Variants in SLC44A1 observed in about 807,000 individuals in gnomAD.
SLC44A1 encodes the protein solute carrier family 44 member 1.
SLC44A1 carries 26 observed loss-of-function variants against 79.3 expected under a neutral mutation model. The observed-to-expected ratio is 0.33, with a 90% CI of 0.24 to 0.46. SLC44A1 has a LOEUF of 0.46. SLC44A1 is among the 20% of genes least tolerant of loss of function. SLC44A1 has a pLI of 1.00. For missense variants in SLC44A1, 688 were observed against 798.1 expected, an observed-to-expected ratio of 0.86 and a Z score of 1.66; for synonymous variants, 263 against 286.2, an observed-to-expected ratio of 0.92 and a Z score of 0.82.
intron 2 of SLC44A1, among the ~76,000 whole-genome samples, chr9:105,305,605 G>A (rs1831006934): frequency 6.6e-6 from 1 of 152,146 alleles, no homozygotes; most frequent in Non-Finnish European, 1.5e-5. Context: ...GAGAAAAAGA[G>A]AGTCAATATA....
chr9:105,288,954 A>T (rs565211518), intron 1 of SLC44A1, among the ~76,000 whole-genome samples: 27 of 152,346 alleles, frequency 1.8e-4, no homozygotes, highest in Non-Finnish European at 3.1e-4. Context: ...GACTTCGTTA[A>T]CCCGCATTTC....
intron 4 of SLC44A1, among the ~76,000 whole-genome samples, chr9:105,346,983 GT>G (rs1442162177): frequency 2.0e-5 from 3 of 151,926 alleles, no homozygotes; most frequent in Non-Finnish European, 4.4e-5. Context: ...AATCACTTAG[GT>G]TTTTTGCTGG....
At chr9:105,254,531 A>G (rs1250586792) in intron 1 of SLC44A1, among the ~76,000 whole-genome samples, 2 of 152,186 alleles carry the variant, frequency 1.3e-5, no homozygotes, top group African/African-American at 2.4e-5. Flanking sequence ...AGCCAATACT[A>G]TCTGCTATGG....
At chr9:105,315,271 G>GTTTTTTTTTTTT (rs72336954) in intron 3 of SLC44A1, among the ~76,000 whole-genome samples, 2 of 130,262 alleles carry the variant, frequency 1.5e-5, no homozygotes, top group Non-Finnish European at 1.7e-5. Flanking sequence ...TTTTTTGTTT[G>GTTTTTTTTTTTT]TTTTTTTTTT....
intron 15 of SLC44A1, among the ~76,000 whole-genome samples, chr9:105,421,878 C>T (rs563688149): frequency 1.3e-5 from 2 of 152,262 alleles, no homozygotes; most frequent in South Asian, 2.1e-4. Context: ...TGAGCCACCG[C>T]GCCCAGCCAG....
At chr9:105,287,818 C>G (rs139608283) in intron 1 of SLC44A1, among the ~76,000 whole-genome samples, 29 of 152,256 alleles carry the variant, frequency 1.9e-4, no homozygotes, top group Non-Finnish European at 2.6e-4. Flanking sequence ...TTGCTCCTAC[C>G]TGGGTCATTC....
chr9:105,409,695 A>C (rs1370688438), intron 15 of SLC44A1, among the ~76,000 whole-genome samples: 1 of 152,214 alleles, frequency 6.6e-6, no homozygotes, highest in African/African-American at 2.4e-5. Flanking sequence ...ATGTGCATCT[A>C]ATAAGAGAAT....
intron 13 of SLC44A1, among the ~76,000 whole-genome samples, chr9:105,381,807 T>C (rs1377935030): frequency 6.6e-6 from 1 of 152,154 alleles, no homozygotes; most frequent in African/African-American, 2.4e-5. Flanking sequence ...AACCAATGTA[T>C]CATCTAATGC....
chr9:105,434,672 A>C (rs1829440991), intron 15 of SLC44A1, among the ~76,000 whole-genome samples: 3 of 152,188 alleles, frequency 2.0e-5, no homozygotes, highest in Non-Finnish European at 4.4e-5. Context: ...AGATTCAGGA[A>C]GCTTTGAACT....
At chr9:105,351,540 GAA>G (rs1193057785) in intron 5 of SLC44A1, among the ~76,000 whole-genome samples, 1 of 121,922 alleles carries the variant, frequency 8.2e-6, no homozygotes, top group Non-Finnish European at 1.7e-5. Flanking sequence ...CTGAAAGAAA[GAA>G]AGAAAGAAAG....
chr9:105,287,479 A>G (rs1041575498), intron 1 of SLC44A1, among the ~76,000 whole-genome samples: 9 of 152,188 alleles, frequency 5.9e-5, no homozygotes, highest in Admixed American at 1.3e-4. Context: ...TATGTACAGT[A>G]TGGGAACAAC....
At position 105,309,975 on chromosome 9, in the gene SLC44A1, T is replaced by C. The variant is rs1432545971; in HGVS notation, c.269+109T>C. 12 of 1,147,872 alleles carry C rather than the reference T, an allele frequency of 1.0e-5. No homozygotes were observed. The East Asian group carries it at 2.8e-4, about 27-fold the overall frequency. The allele number at this position is 1,147,872 out of a possible 1,614,324, so 71.1% of individuals were successfully genotyped here. A position where few individuals can be genotyped will look rare whatever the true frequency, so the allele number is the denominator to read the frequency against. ...ATAATATCTTACCAAATATTATTTTTATGTGACTTCTGTTGGTGTGTTTGA... is the reference window on the plus strand; with the variant it reads ...ATAATATCTTACCAAATATTATTTTCATGTGACTTCTGTTGGTGTGTTTGA... On this transcript the variant is annotated intron_variant, in intron 3 of 15. Coordinates refer to ENST00000374720, the MANE Select transcript of SLC44A1 (RefSeq NM_080546.5).
chr9:105,384,010 CAAAGT>C (rs1165852036), intron 14 of SLC44A1, among the ~76,000 whole-genome samples: 6 of 151,932 alleles, frequency 3.9e-5, no homozygotes, highest in Non-Finnish European at 8.8e-5. Flanking sequence ...TAAATGTTAC[CAAAGT>C]AAAGATGCTT....
In SLC44A1 at chr9:105,436,472, C is replaced by T. The variant is rs537967123; in HGVS notation, c.1951-1809C>T. ...ATGGAGCTTCTATAGTCCCAGCTAC[C>T]GAGGAGGCTGAAGTGGGAGGATTGC... is the stretch of plus-strand genomic sequence containing the variant. On this transcript the variant is annotated intron_variant, in intron 15 of 15. Transcript: ENST00000374724. Among the ~76,000 whole-genome samples the T allele has an allele frequency of 8.5e-5, 13 of 152,078 alleles. No homozygotes were observed. The South Asian group carries it at 1.2e-3, about 15-fold the overall frequency.
intron 1 of SLC44A1, among the ~76,000 whole-genome samples, chr9:105,273,013 A>T (rs1014398736): frequency 6.6e-6 from 1 of 151,492 alleles, no homozygotes; most frequent in Non-Finnish European, 1.5e-5. Flanking sequence ...CTTCCTTGAG[A>T]TGAAGTCTTG....
At chr9:105,318,429 C>G (rs1243051060) in intron 3 of SLC44A1, among the ~76,000 whole-genome samples, 1 of 152,318 alleles carries the variant, frequency 6.6e-6, no homozygotes, top group South Asian at 2.1e-4. Flanking sequence ...TTCCCCCCAC[C>G]TCAGCCTCCC....
At chr9:105,279,280 A>AT (rs570286673) in intron 1 of SLC44A1, among the ~76,000 whole-genome samples, 2 of 145,152 alleles carry the variant, frequency 1.4e-5, no homozygotes, top group Non-Finnish European at 3.0e-5. Flanking sequence ...CTCAACATCT[A>AT]TTTTTTTTAA....
In SLC44A1 at chr9:105,356,348, G is replaced by C; in HGVS notation, c.637G>C (p.Glu213Gln). Residue 213 changes from glutamate (E) to glutamine (Q), a missense_variant, in exon 6 of 16, where the codon GAA becomes CAA. By Grantham distance (29) the Glu-to-Gln change is conservative. Coordinates refer to ENST00000374720, the MANE Select transcript of SLC44A1 (RefSeq NM_080546.5). ...RLISGVMTSK[E>Q]IILGLCLLSL... is the part of the protein sequence containing the mutation. ...GATTAGTGGAGTAATGACCAGCAAA[G>C]AAATTATATTGGGACTTTGCTTGTT... 6.2e-7 allele frequency: 1 copy of C among 1,606,542 alleles called. No individual in the cohort carries two copies. The highest frequency in any genetic ancestry group is 8.5e-7 in the Non-Finnish European group (1 of 1,176,864).
At chr9:105,291,764 T>G (rs1167572275) in intron 1 of SLC44A1, among the ~76,000 whole-genome samples, 1 of 152,172 alleles carries the variant, frequency 6.6e-6, no homozygotes, top group Non-Finnish European at 1.5e-5. Context: ...AGAATAGCAT[T>G]CCTTTGCTTG....
Sources: allele counts gnomAD v4.1 joint callset (sites outside exome capture counted in the v4.1 genomes callset), GRCh38; gene constraint gnomAD v4.1.1; transcripts MANE v1.5; gene names NCBI Gene and HGNC (gene_info 2026-07-23, HGNC 2026-07-21).